FTO: variants seen among roughly 807,000 people sequenced by gnomAD.
FTO encodes alpha-ketoglutarate-dependent dioxygenase FTO.
FTO carries 47 observed loss-of-function variants against 63.9 expected under a neutral mutation model. The ratio of observed to expected loss-of-function variants is 0.74; its 90% CI spans 0.58 to 0.94. The LOEUF is 0.94. Ranked by LOEUF, FTO falls within the 40% of genes least tolerant of loss-of-function variation. The pLI is 0.00. For synonymous variants in FTO, 207 were observed against 224.4 expected, an observed-to-expected ratio of 0.92 and a Z score of 0.69; for missense variants, 562 against 618.1, an observed-to-expected ratio of 0.91 and a Z score of 0.96.
At chr16:53,764,667 A>G (rs1176408728) in intron 1 of FTO, among the ~76,000 whole-genome samples, 1 of 152,098 alleles carries the variant, frequency 6.6e-6, no homozygotes, top group Non-Finnish European at 1.5e-5. Context: ...AAAAAATGCA[A>G]AATGTTAGAA....
chr16:54,001,064 G>A (rs2084054507), intron 8 of FTO, among the ~76,000 whole-genome samples: 1 of 152,124 alleles, frequency 6.6e-6, no homozygotes, highest in African/African-American at 2.4e-5. Flanking sequence ...ACCTTTTCTA[G>A]TCTTGTGAAT....
chr16:54,015,764 T>TA (rs1204580930), intron 8 of FTO, among the ~76,000 whole-genome samples: 1 of 152,216 alleles, frequency 6.6e-6, no homozygotes, highest in African/African-American at 2.4e-5. Flanking sequence ...GCGGGTACTT[T>TA]ATTATCTATC....
rs562875273 is a variant in FTO at position 53,757,061 on chromosome 16, T to A, written c.45+52832T>A. ...GAGTGAAGTCTGTGTTTTCAACCAG[T>A]TTAAAAAATGTTGCCACTGGACCTT... On this transcript the variant is annotated intron_variant, in intron 1 of 8. Coordinates refer to ENST00000471389, the MANE Select transcript of FTO (RefSeq NM_001080432.3). Among the ~76,000 whole-genome samples the A allele has an allele frequency of 2.6e-5, 4 of 151,396 alleles. No individual in the cohort carries two copies. The East Asian group carries it at 7.7e-4, about 29-fold the overall frequency.
intron 8 of FTO, among the ~76,000 whole-genome samples, chr16:53,950,844 G>A (rs1021812485): frequency 6.6e-6 from 1 of 152,224 alleles, no homozygotes; most frequent in Non-Finnish European, 1.5e-5. Flanking sequence ...TCAGCCACCA[G>A]AGTTCTCAGT....
rs16952640 is a variant in FTO at position 53,906,059 on chromosome 16, A to G, written c.1239+17108A>G. On this transcript the variant is annotated intron_variant, in intron 7 of 8. Transcript: ENST00000471389. ...TGCATTAGACTCTGTCAACATTAGC[A>G]TCTATATCAAAGACACTTCATGCAA... 7.4e-4 allele frequency among the ~76,000 whole-genome samples: 112 copies of G among 152,344 alleles called. No homozygotes were observed. In the East Asian group the frequency reaches 0.021, roughly 29 times the overall value.
chr16:53,748,297 T>C (rs2076694792), intron 1 of FTO, among the ~76,000 whole-genome samples: 1 of 152,156 alleles, frequency 6.6e-6, no homozygotes, highest in African/African-American at 2.4e-5. Flanking sequence ...GTCTATGACA[T>C]GGGATATCAT....
rs2087007240 is a variant in FTO at position 54,121,682 on chromosome 16, A to G, written c.*9767A>G. On this transcript the variant is annotated 3_prime_UTR_variant, in exon 9 of 9. Transcript: ENST00000471389. ...GCGGAACAGTGCGAAGATTATTCCA[A>G]TGCCTCATTCGGAGAGGTGATAATC... 1 of 152,204 alleles carries G rather than the reference A, an allele frequency of 6.6e-6. No individual in the cohort carries two copies. Among genetic ancestry groups the G allele is most frequent in the South Asian group, 2.1e-4 (1 of 4,820 alleles). The allele number at this position is 152,204 out of a possible 1,614,324, so 9.4% of individuals were successfully genotyped here.
At chr16:54,109,006 TA>T (rs1437057356) in intron 8 of FTO, among the ~76,000 whole-genome samples, 1 of 152,210 alleles carries the variant, frequency 6.6e-6, no homozygotes, top group African/African-American at 2.4e-5. Flanking sequence ...ACCTTCTCTT[TA>T]TCAGTTCCAT....
intron 2 of FTO, among the ~76,000 whole-genome samples, chr16:53,818,171 C>T (rs184407919): frequency 2.0e-5 from 3 of 147,610 alleles, no homozygotes; most frequent in South Asian, 2.1e-4. Context: ...GTTACTTGTT[C>T]TTTTTTTTTT....
At chr16:53,823,535 G>T (rs1307322859) in intron 2 of FTO, among the ~76,000 whole-genome samples, 2 of 131,084 alleles carry the variant, frequency 1.5e-5, no homozygotes, top group African/African-American at 5.9e-5. Context: ...GGTTTCATAG[G>T]TATCTTCAAG....
At chr16:53,739,301 G>T (rs747114927) in intron 1 of FTO, among the ~76,000 whole-genome samples, 4 of 151,950 alleles carry the variant, frequency 2.6e-5, no homozygotes, top group African/African-American at 9.7e-5. Context: ...TGCCTCCTGG[G>T]TTCACACCAT....
chr16:53,888,817 C>T lies in FTO; in HGVS notation c.1120-15C>T, dbSNP rs2081074981. ...AAGGGTATTAAAACCACCATCTTCT[C>T]TTTATGGTCCACAGGTCGAGTTTGA... On this transcript the variant is annotated splice_polypyrimidine_tract_variant and intron_variant, in intron 6 of 8. Transcript: ENST00000471389. 1 of 1,613,852 alleles carries T rather than the reference C, an allele frequency of 6.2e-7. No homozygotes were observed. The highest frequency in any genetic ancestry group is 8.5e-7 in the Non-Finnish European group (1 of 1,179,820).
At chr16:54,096,772 A>G (rs2086524652) in intron 8 of FTO, among the ~76,000 whole-genome samples, 1 of 152,184 alleles carries the variant, frequency 6.6e-6, no homozygotes, top group South Asian at 2.1e-4. Context: ...CAATGCTTTC[A>G]CTTAAGGGCA....
At chr16:53,824,517 T>C (rs900996344) in intron 2 of FTO, among the ~76,000 whole-genome samples, 2 of 152,214 alleles carry the variant, frequency 1.3e-5, no homozygotes, top group African/African-American at 2.4e-5. Flanking sequence ...GGGTTGCTTT[T>C]CTTTATTTAT....
rs563928172 is a variant in FTO, at chr16:54,033,731, T to C, written c.1365-78031T>C. Among the ~76,000 whole-genome samples the C allele has an allele frequency of 5.3e-4, 81 of 152,242 alleles. 1 individual carries two copies. The highest frequency in any genetic ancestry group is 5.2e-3 in the Admixed American group (80 of 15,284). ...ATATGGGAGGCTGAGGTAGGAGTAT[T>C]GCTTAAGCCCAAAAGTTCAAGGCTG... On this transcript the variant is annotated intron_variant, in intron 8 of 8. Coordinates refer to ENST00000471389, the MANE Select transcript of FTO (RefSeq NM_001080432.3).
At position 54,116,946 on chromosome 16, in the gene FTO, T is replaced by C. The variant is rs1490348045; in HGVS notation, c.*5031T>C. On this transcript the variant is annotated 3_prime_UTR_variant, in exon 9 of 9. Coordinates refer to ENST00000471389, the MANE Select transcript of FTO (RefSeq NM_001080432.3). The stretch of plus-strand genomic sequence containing the variant: ...CATCGGCCCCATGCTCCCAGGACAG[T>C]CCTAATTCCCACCTCTCAGAACCTT... 1 of 152,234 alleles carries C rather than the reference T, an allele frequency of 6.6e-6. No individual in the cohort carries two copies. Among genetic ancestry groups the C allele is most frequent in the Non-Finnish European group, 1.5e-5 (1 of 68,128 alleles). The allele number at this position is 152,234 out of a possible 1,614,324, so 9.4% of individuals were successfully genotyped here.
chr16:53,934,297 TGACGTCATCA>T (rs2082341784), intron 8 of FTO, among the ~76,000 whole-genome samples, 188 bp downstream of exon 8: 1 of 152,228 alleles, frequency 6.6e-6, no homozygotes. Context: ...AATGATCCAT[TGACGTCATCA>T]GTATATTTAC....
chr16:53,739,229 G>A (rs916013260), intron 1 of FTO, among the ~76,000 whole-genome samples: 8 of 128,754 alleles, frequency 6.2e-5, no homozygotes, highest in Admixed American at 3.1e-4. Context: ...TATTTGAGAC[G>A]GAGTCTCGCT....
chr16:53,747,744 C>T (rs959892197), intron 1 of FTO, among the ~76,000 whole-genome samples: 5 of 152,062 alleles, frequency 3.3e-5, no homozygotes, highest in South Asian at 2.1e-4. Context: ...ATTGCTCAGA[C>T]GAATGTCCTG....
Sources: gnomAD v4.1 joint callset for allele counts (sites outside exome capture counted in the v4.1 genomes callset) on GRCh38, gnomAD v4.1.1 for gene constraint, MANE v1.5 for transcripts, NCBI Gene and HGNC (gene_info 2026-07-23, HGNC 2026-07-21) for gene names.